Variants in ANKRD13D observed in about 807,000 individuals in gnomAD.
ANKRD13D encodes the protein ankyrin repeat domain-containing protein 13D.
Under a neutral mutation model 68.8 loss-of-function variants are expected in ANKRD13D, and 24 were observed. That is an observed-to-expected ratio of 0.35 (90% CI 0.25 to 0.49). ANKRD13D has a LOEUF of 0.49. Ranked by LOEUF, ANKRD13D falls within the 20% of genes least tolerant of loss-of-function variation. The pLI, the probability that ANKRD13D is intolerant of heterozygous loss-of-function variation, is 0.99. For synonymous variants in ANKRD13D, 331 were observed against 336.1 expected (o/e 0.98, Z 0.16); for missense variants, 735 against 832.1 (o/e 0.88, Z 1.44).
rs1860581699 is a variant in ANKRD13D, at chr11:67,292,065, C to A, written c.616C>A (p.Gln206Lys). ...VHVETLGLTLQEPETLLAAMR... is the reference protein window; with the variant it reads ...VHVETLGLTLKEPETLLAAMR... ...TGTGGAGACACTGGGGCTCACTCTG[C>A]AGGAGCCCGAAACACTGCTGGCCGC... Residue 206 changes from glutamine (Q) to lysine (K), a missense_variant, in exon 6 of 15, where the codon CAG (glutamine) becomes AAG (lysine). Transcript: ENST00000511455. The A allele has an allele frequency of 1.2e-6, 2 of 1,610,728 alleles. No homozygotes were observed. Among genetic ancestry groups the A allele is most frequent in the Non-Finnish European group, 1.7e-6 (2 of 1,177,824 alleles).
intron 6 of ANKRD13D, among the ~76,000 whole-genome samples, chr11:67,296,993 C>T (rs80130094): frequency 5.9e-5 from 9 of 152,114 alleles, no homozygotes; most frequent in East Asian, 5.8e-4. Flanking sequence ...TTGATGTTTT[C>T]GAAGAGCCAG....
In ANKRD13D at chr11:67,297,642, C is replaced by T. The variant is rs536159771; in HGVS notation, c.732-1416C>T. Among the ~76,000 whole-genome samples the T allele has an allele frequency of 3.1e-3, 465 of 151,974 alleles. 2 individuals carry two copies. Among genetic ancestry groups the T allele is most frequent in the African/African-American group, 0.011 (453 of 41,428 alleles). Reference sequence around the variant, plus strand: ...CCGGGTTCACGCCATTCTCCTGGCTCAGCCTCCCGAGTAGCTGGGACTATA... The same window carrying T: ...CCGGGTTCACGCCATTCTCCTGGCTTAGCCTCCCGAGTAGCTGGGACTATA... On this transcript the variant is annotated intron_variant, in intron 6 of 14. Transcript: ENST00000511455.
In ANKRD13D at chr11:67,291,507, A is replaced by T; in HGVS notation, c.383A>T (p.Glu128Val). 4 of 1,613,758 alleles carry T rather than the reference A, an allele frequency of 2.5e-6. No homozygotes were observed. Among genetic ancestry groups the T allele is most frequent in the Non-Finnish European group, 3.4e-6 (4 of 1,179,930 alleles). ...APDFYVEMKW[E>V]FTSWVPLVSK... is the part of the protein sequence containing the mutation. ...GATTTCTACGTTGAGATGAAGTGGG[A>T]GTTCACCAGCTGGGGTGAGTGGGGA... Residue 128 changes from glutamate to valine, a missense_variant, in exon 4 of 15, where the codon GAG (glutamate) becomes GTG (valine). Glu to Val is a moderately radical substitution (Grantham distance 121). Transcript: ENST00000511455.
At chr11:67,295,305 T>A (rs565655150) in intron 6 of ANKRD13D, among the ~76,000 whole-genome samples, 2 of 152,086 alleles carry the variant, frequency 1.3e-5, no homozygotes, top group African/African-American at 4.8e-5. Flanking sequence ...TAATCCCAGC[T>A]ACTCAGGAGG....
In ANKRD13D at chr11:67,300,991, T is replaced by A. The variant is rs1308762910; in HGVS notation, c.1075T>A (p.Phe359Ile). 1.9e-6 allele frequency: 3 copies of A among 1,613,516 alleles called. No individual in the cohort carries two copies. The highest frequency in any genetic ancestry group is 2.2e-5 in the South Asian group (2 of 91,074). The change falls in exon 11 of 15, where the codon TTC becomes ATC. Residue 359 changes from phenylalanine (F) to isoleucine (I), a missense_variant and splice_region_variant. Phe to Ile is a conservative substitution (Grantham distance 21). Transcript: ENST00000511455. The surrounding 1 kb of genome is among the most constrained non-coding windows in gnomAD (Gnocchi z 4.3). ...PIEMSSKVQR[F>I]KATLWLSEEH... The stretch of plus-strand genomic sequence containing the variant: ...CATGTCCTGTGGTCGGCTGGGCAGG[T>A]TCAAGGCAACACTGTGGCTGAGTGA...
chr11:67,297,191 T>C (rs1478200872), intron 6 of ANKRD13D, among the ~76,000 whole-genome samples: 1 of 152,202 alleles, frequency 6.6e-6, no homozygotes. Context: ...TTCACACATA[T>C]TACATTTATA....
At chr11:67,292,254 G>A (rs1860590979) in intron 6 of ANKRD13D, 74 bp downstream of exon 6, 19 of 1,431,998 alleles carry the variant, frequency 1.3e-5, no homozygotes, top group Non-Finnish European at 1.5e-5. Context: ...AGGGCAGGGC[G>A]ATCCTTGAAG....
intron 6 of ANKRD13D, among the ~76,000 whole-genome samples, chr11:67,295,340 C>T (rs1341939135): frequency 6.6e-6 from 1 of 150,988 alleles, no homozygotes; most frequent in African/African-American, 2.4e-5. Flanking sequence ...TGGTGTGAAC[C>T]CGGGAGGCAG....
chr11:67,293,101 A>C (rs796311459), intron 6 of ANKRD13D, among the ~76,000 whole-genome samples: 15 of 152,278 alleles, frequency 9.9e-5, no homozygotes, highest in African/African-American at 3.4e-4. Context: ...ATGCCACTCT[A>C]AGTATTCATG....
Position 67,301,750 on chromosome 11 carries a change from C to T in ANKRD13D, c.1531C>T (p.Leu511=). 6.2e-7 allele frequency: 1 copy of T among 1,611,490 alleles called. No individual in the cohort carries two copies. The highest frequency in any genetic ancestry group is 1.3e-5 in the African/African-American group (1 of 75,048). Residue 511 remains leucine (L), a synonymous_variant, in exon 14 of 15, where the codon CTG becomes TTG. Transcript: ENST00000511455. This position sits in a 1 kb window ranked among gnomAD's most constrained non-coding sequence, Gnocchi z 4.5. ...GCTGCAGGTGACCGTCTGGGAAGCC[C>T]TGACCAACACCCGGCCCGGTGCCCG... is the stretch of plus-strand genomic sequence containing the variant. ...EAEQVTVWEA[L]TNTRPGARPP...
rs371167553 is a variant in ANKRD13D at position 67,301,071 on chromosome 11, C to T, written c.1155C>T (p.Ala385=). 1.2e-5 allele frequency: 19 copies of T among 1,613,934 alleles called. No individual in the cohort carries two copies. The African/African-American group carries it at 2.1e-4, about 18-fold the overall frequency. ...DQVTPIIDLM[A]ISNAHFAKLR... ...TGACCCCCATCATCGACCTAATGGC[C>T]ATCAGCAACGCTCACTTTGCCAAGC... is the stretch of plus-strand genomic sequence containing the variant. Residue 385 remains alanine (A), a synonymous_variant, in exon 11 of 15, where the codon GCC becomes GCT. Transcript: ENST00000511455. The surrounding 1 kb of genome is among the most constrained non-coding windows in gnomAD (Gnocchi z 4.5).
rs965045217 is a variant in ANKRD13D at position 67,302,119 on chromosome 11, G to A, written c.1605G>A (p.Arg535=). Residue 535 remains arginine, a splice_region_variant and synonymous_variant, in exon 15 of 15, where the codon CGG becomes CGA. Transcript: ENST00000511455. The part of the protein sequence containing the change: ...TVYEEQLQLE[R]ALQESLQLST... ...TTCCCTCCCCTGCCCTGCCTGGAAG[G>A]GCCCTCCAGGAAAGCCTGCAGCTGT... 1.3e-6 allele frequency: 2 copies of A among 1,564,822 alleles called. No homozygotes were observed. The highest frequency in any genetic ancestry group is 1.7e-6 in the Non-Finnish European group (2 of 1,154,324).
chr11:67,289,695 C>T (rs971488507), intron 1 of ANKRD13D, 145 bp downstream of exon 1: 4 of 1,324,752 alleles, frequency 3.0e-6, no homozygotes, highest in Non-Finnish European at 4.0e-6. Context: ...ATCCCAAGCC[C>T]AGGTCACCGG....
rs373537720 is a variant in ANKRD13D, at chr11:67,302,300, C to A, written c.1786C>A (p.Arg596=). ...RGQQEEEDLQ[R]ILQLSLTEH Reference sequence around the variant, plus strand: ...GCAGCAGGAGGAGGAGGACTTACAGCGGATCCTGCAGCTGTCACTCACTGA... The same window carrying A: ...GCAGCAGGAGGAGGAGGACTTACAGAGGATCCTGCAGCTGTCACTCACTGA... The change falls in exon 15 of 15, where the codon CGG becomes AGG. Residue 596 remains arginine (R), a synonymous_variant. Transcript: ENST00000511455. 8.4e-5 allele frequency: 130 copies of A among 1,552,406 alleles called. 1 individual carries two copies. The Admixed American group carries it at 2.5e-3, about 29-fold the overall frequency.
chr11:67,289,669 C>T (rs1565074208), intron 1 of ANKRD13D, 119 bp downstream of exon 1: 1 of 1,134,572 alleles, frequency 8.8e-7, no homozygotes, highest in East Asian at 3.6e-5. Context: ...CATCCTGGGC[C>T]TTCCTCCCCT....
intron 6 of ANKRD13D, among the ~76,000 whole-genome samples, chr11:67,293,111 G>A (rs536509278): frequency 2.6e-5 from 4 of 152,170 alleles, no homozygotes; most frequent in Non-Finnish European, 5.9e-5. Flanking sequence ...AAGTATTCAT[G>A]TGCAAGTTTT....
chr11:67,289,359 G>T lies in ANKRD13D; in HGVS notation c.-102G>T. The T allele has an allele frequency of 1.2e-6, 1 of 833,580 alleles. No homozygotes were observed. 51.6% of individuals were successfully genotyped at this position (833,580 alleles called of 1,614,324 possible). A position where few individuals can be genotyped will look rare whatever the true frequency, so the allele number is the denominator to read the frequency against. ...CCGCCGCCGCCGCTACTGCTGCGGG[G>T]GCCGCGGGGGGCGCAGCTGGGGCGC... On this transcript the variant is annotated 5_prime_UTR_variant, in exon 1 of 15. Coordinates refer to ENST00000511455, the MANE Select transcript of ANKRD13D (RefSeq NM_207354.3).
At chr11:67,294,255 C>T (rs1860681202) in intron 6 of ANKRD13D, among the ~76,000 whole-genome samples, 1 of 152,032 alleles carries the variant, frequency 6.6e-6, no homozygotes, top group African/African-American at 2.4e-5. Flanking sequence ...TCTTTTTTCT[C>T]ACAACCCAGT....
chr11:67,289,810 C>T, intron 1 of ANKRD13D: 4 of 1,425,598 alleles, frequency 2.8e-6, no homozygotes, highest in Non-Finnish European at 3.7e-6. Context: ...AGAACAAGAA[C>T]TCTGGTCCTG....
Sources: gnomAD v4.1 joint callset for allele counts (sites outside exome capture counted in the v4.1 genomes callset) on GRCh38, gnomAD v4.1.1 for gene constraint, Gnocchi (gnomAD v3.1) non-coding constraint, MANE v1.5 for transcripts, NCBI Gene and HGNC (gene_info 2026-07-23, HGNC 2026-07-21) for gene names.